Variants in RTL4 observed in about 807,000 individuals in gnomAD.
The protein encoded by RTL4 is retrotransposon Gag-like protein 4.
In RTL4, 4 loss-of-function variants were observed where a neutral mutation model predicts 5.3. The observed-to-expected ratio is 0.75, with a 90% CI of 0.37 to 1.72. The LOEUF is 1.72. Among genes scored for constraint, RTL4 ranks in the 40% most tolerant of loss-of-function variants. The pLI, the probability that RTL4 is intolerant of heterozygous loss-of-function variation, is 0.04. For synonymous variants in RTL4, 98 were observed against 87.3 expected, an observed-to-expected ratio of 1.12 and a Z score of -0.68; for missense variants, 260 against 227.1, an observed-to-expected ratio of 1.14 and a Z score of -0.93.
the RTL4 span, among the ~76,000 whole-genome samples, chrX:112,098,518 C>A: frequency 9.0e-6 from 1 of 111,340 alleles, no homozygotes; most frequent in African/African-American, 3.3e-5. Flanking sequence ...AGTTCTAGAT[C>A]CCTGAGGAAT....
chrX:112,301,682 G>T, the RTL4 span, among the ~76,000 whole-genome samples: 1,643 of 110,865 alleles, frequency 0.015, 25 homozygotes, highest in African/African-American at 0.05. Context: ...ATTAGCTTTG[G>T]TTGGGCTCAG....
chrX:112,317,305 T>C, the RTL4 span, among the ~76,000 whole-genome samples: 3 of 111,577 alleles, frequency 2.7e-5, no homozygotes, highest in Non-Finnish European at 5.6e-5. Context: ...GGCGCCACAG[T>C]CTCTTAAAAA....
At chrX:112,163,175 A>G in the RTL4 span, among the ~76,000 whole-genome samples, 1 of 112,065 alleles carries the variant, frequency 8.9e-6, no homozygotes, top group African/African-American at 3.2e-5. Flanking sequence ...GGAGTTGTAG[A>G]AAGAGCCCAA....
the RTL4 span, among the ~76,000 whole-genome samples, chrX:112,223,849 G>A: frequency 8.9e-6 from 1 of 111,793 alleles, no homozygotes; most frequent in Non-Finnish European, 1.9e-5. Context: ...CTAAATTACA[G>A]ATAATGTAAC....
the RTL4 span, among the ~76,000 whole-genome samples, chrX:112,335,987 C>G: frequency 9.1e-6 from 1 of 110,161 alleles, no homozygotes; most frequent in Non-Finnish European, 1.9e-5. Flanking sequence ...GGACTACAGG[C>G]GCCTGCCACC....
chrX:112,171,075 C>T, the RTL4 span, among the ~76,000 whole-genome samples: 1 of 112,168 alleles, frequency 8.9e-6, no homozygotes, highest in African/African-American at 3.2e-5. Flanking sequence ...TCGAACCAAT[C>T]TTGCATCCCA....
At chrX:112,360,416 A>G in the RTL4 span, among the ~76,000 whole-genome samples, 1 of 111,611 alleles carries the variant, frequency 9.0e-6, no homozygotes, top group African/African-American at 3.2e-5. Context: ...AGAATAGAAC[A>G]CAAATAAGAA....
At chrX:112,455,967 G>C in exon 1 of RTL4, 1 of 328,632 alleles carries the variant, frequency 3.0e-6, no homozygotes, top group South Asian at 1.1e-4. Flanking sequence ...AATAACCGTG[G>C]AAGCACATTG....
the RTL4 span, among the ~76,000 whole-genome samples, chrX:112,385,446 C>T: frequency 1.8e-5 from 2 of 110,767 alleles, no homozygotes; most frequent in African/African-American, 6.6e-5. Context: ...GTATTTTCAA[C>T]AGCATTTGTT....
the RTL4 span, among the ~76,000 whole-genome samples, chrX:112,094,416 T>G: frequency 9.0e-6 from 1 of 110,652 alleles, no homozygotes; most frequent in African/African-American, 3.3e-5. Flanking sequence ...GAGTATAAGA[T>G]GTGAGACATC....
At chrX:112,189,764 C>CA in the RTL4 span, among the ~76,000 whole-genome samples, 85 of 99,491 alleles carry the variant, frequency 8.5e-4, no homozygotes, top group South Asian at 1.8e-3. Context: ...AACTCCATCT[C>CA]AAAAAAAAAA....
the RTL4 span, among the ~76,000 whole-genome samples, chrX:112,367,425 G>A: frequency 8.6e-3 from 962 of 111,428 alleles, 16 homozygotes; most frequent in African/African-American, 0.03. Flanking sequence ...GCATGAAAGC[G>A]CCACACTGTG....
the RTL4 span, among the ~76,000 whole-genome samples, chrX:112,228,677 A>G: frequency 1.8e-5 from 2 of 111,574 alleles, no homozygotes; most frequent in African/African-American, 3.3e-5. Context: ...TTTGATCAAC[A>G]TCTCCTTATT....
At chrX:112,168,327 G>A in the RTL4 span, among the ~76,000 whole-genome samples, 418 of 111,728 alleles carry the variant, frequency 3.7e-3, 2 homozygotes, top group Non-Finnish European at 5.3e-3. Flanking sequence ...ATTTTTGGTG[G>A]CCAGGATATC....
At chrX:112,226,989 C>CAAAATAAAAT in the RTL4 span, among the ~76,000 whole-genome samples, 14,364 of 95,616 alleles carry the variant, frequency 0.15, 837 homozygotes, top group Non-Finnish European at 0.17. Context: ...TAAAATAAAA[C>CAAAATAAAAT]AAAATAAAAT....
chrX:112,236,027 G>A, the RTL4 span, among the ~76,000 whole-genome samples: 1 of 111,153 alleles, frequency 9.0e-6, no homozygotes, highest in African/African-American at 3.3e-5. Context: ...CTGCTTTGGA[G>A]GCGGAGTAGG....
the RTL4 span, among the ~76,000 whole-genome samples, chrX:112,195,648 A>G: frequency 9.0e-6 from 1 of 111,333 alleles, no homozygotes; most frequent in Non-Finnish European, 1.9e-5. Flanking sequence ...CATGAGATTT[A>G]TATTTTGCTT....
chrX:112,391,850 G>A, the RTL4 span, among the ~76,000 whole-genome samples: 4,604 of 111,374 alleles, frequency 0.041, 104 homozygotes, highest in Non-Finnish European at 0.064. Context: ...GGAGACAGAA[G>A]AGAAAGGGAC....
At chrX:112,231,637 G>T in the RTL4 span, among the ~76,000 whole-genome samples, 2 of 106,835 alleles carry the variant, frequency 1.9e-5, no homozygotes, top group Non-Finnish European at 3.9e-5. Flanking sequence ...CGAGTTAATG[G>T]GTGCAGCACA....
Sources: gnomAD v4.1 joint callset for allele counts (sites outside exome capture counted in the v4.1 genomes callset) on GRCh38, gnomAD v4.1.1 for gene constraint, MANE v1.5 for transcripts, NCBI Gene and HGNC (gene_info 2026-07-23, HGNC 2026-07-21) for gene names.